RANBP2: variants seen among roughly 807,000 people sequenced by gnomAD.
RANBP2 encodes RAN binding protein 2, also known as E3 SUMO-protein ligase RanBP2.
In RANBP2, 57 loss-of-function variants were observed where a neutral mutation model predicts 303.6. The observed-to-expected ratio is 0.19, with a 90% CI of 0.15 to 0.23. RANBP2 has a LOEUF of 0.23. Among genes scored for constraint, RANBP2 ranks in the 10% least tolerant of loss-of-function variants. The probability of loss-of-function intolerance (pLI) is 1.00; values close to 1 mark genes in which losing one functional copy is unlikely to be tolerated. For missense variants in RANBP2, 3,138 were observed against 3,780.8 expected (o/e 0.83, Z 4.46); for synonymous variants, 1,167 against 1,301.5 (o/e 0.90, Z 2.23).
chr2:109,615,012 G>T, the RANBP2 span: 1 of 1,545,602 alleles, frequency 6.5e-7, no homozygotes, highest in Admixed American at 2.0e-5. Flanking sequence ...GCCCAGCGAG[G>T]ACCTGGAGCT....
At chr2:108,754,778 T>C in intron 15 of RANBP2, 127 bp from the exon 16 acceptor site, 1 of 1,351,968 alleles carries the variant, frequency 7.4e-7, no homozygotes, top group South Asian at 1.4e-5. Context: ...TCACGTGTAT[T>C]ATTTAAAGTG....
intron 13 of RANBP2, 122 bp from the exon 14 acceptor site, chr2:108,753,304 A>AT (rs1676051512): frequency 1.2e-6 from 2 of 1,604,546 alleles, no homozygotes; most frequent in Non-Finnish European, 1.7e-6. Context: ...CACACATAAG[A>AT]TATGACAGAG....
At chr2:108,815,968 CTT>C in the RANBP2 span, 1 of 1,612,674 alleles carries the variant, frequency 6.2e-7, no homozygotes, top group East Asian at 2.2e-5. Context: ...AGTTTATGAA[CTT>C]TTAACTGTCT....
the RANBP2 span, among the ~76,000 whole-genome samples, chr2:108,813,248 C>CAAAAAAAA: frequency 2.2e-4 from 14 of 63,542 alleles, no homozygotes; most frequent in Non-Finnish European, 3.1e-4. Flanking sequence ...GACTCCGTCT[C>CAAAAAAAA]AAAAAAAAAA....
chr2:109,124,432 C>T, the RANBP2 span: 1 of 152,274 alleles, frequency 6.6e-6, no homozygotes. Flanking sequence ...CCTCGGCCTC[C>T]CAAAGTTCTG....
the RANBP2 span, among the ~76,000 whole-genome samples, chr2:109,643,262 A>G: frequency 6.6e-6 from 1 of 152,150 alleles, no homozygotes; most frequent in Non-Finnish European, 1.5e-5. Context: ...TGTTCCATAA[A>G]CATAGCATAA....
At chr2:109,129,269 C>A in the RANBP2 span, 1 of 607,964 alleles carries the variant, frequency 1.6e-6, no homozygotes, top group Non-Finnish European at 2.9e-6. Flanking sequence ...GGACTTGCGG[C>A]GGGACAGGTG....
chr2:108,756,232 A>G (rs900928339), intron 17 of RANBP2, among the ~76,000 whole-genome samples: 3 of 152,182 alleles, frequency 2.0e-5, no homozygotes, highest in African/African-American at 7.2e-5. Flanking sequence ...ATGTGTTTCA[A>G]ATGTATAGCT....
chr2:109,230,578 AAAAAAT>A, the RANBP2 span, among the ~76,000 whole-genome samples: 1 of 152,178 alleles, frequency 6.6e-6, no homozygotes, highest in Non-Finnish European at 1.5e-5. Flanking sequence ...AGATCATCTT[AAAAAAT>A]AAAAATAGGA....
At chr2:109,397,786 C>T in the RANBP2 span, among the ~76,000 whole-genome samples, 11 of 152,208 alleles carry the variant, frequency 7.2e-5, no homozygotes, top group African/African-American at 2.2e-4. Flanking sequence ...GTGGCTTAGC[C>T]GGCCAGGAGG....
chr2:109,712,915 G>A, the RANBP2 span, among the ~76,000 whole-genome samples: 1 of 152,212 alleles, frequency 6.6e-6, no homozygotes, highest in Admixed American at 6.5e-5. Context: ...CAGAGCGAGA[G>A]TGAGTGAGAG....
the RANBP2 span, among the ~76,000 whole-genome samples, chr2:109,377,077 A>C: frequency 3.9e-5 from 6 of 152,206 alleles, no homozygotes; most frequent in African/African-American, 1.4e-4. Context: ...GGCTGAAAAA[A>C]TAGGTGCCTT....
At chr2:109,283,151 C>T in the RANBP2 span, among the ~76,000 whole-genome samples, 4 of 152,188 alleles carry the variant, frequency 2.6e-5, no homozygotes, top group Admixed American at 6.5e-5. Context: ...CAGGGTACAG[C>T]CCAGAAATGC....
At chr2:109,549,650 C>A in the RANBP2 span, among the ~76,000 whole-genome samples, 3 of 152,172 alleles carry the variant, frequency 2.0e-5, no homozygotes, top group Non-Finnish European at 4.4e-5. Context: ...CAGTATGGTA[C>A]GATAGTCCCC....
At chr2:109,116,166 G>A in the RANBP2 span, among the ~76,000 whole-genome samples, 1 of 152,152 alleles carries the variant, frequency 6.6e-6, no homozygotes, top group African/African-American at 2.4e-5. Flanking sequence ...TCCTGAATCT[G>A]AATGTTGGTC....
chr2:109,030,546 G>A, the RANBP2 span, among the ~76,000 whole-genome samples: 1 of 152,272 alleles, frequency 6.6e-6, no homozygotes, highest in Admixed American at 6.5e-5. Context: ...CTGTCTGATG[G>A]GATGAGGCTC....
chr2:109,086,650 T>A, the RANBP2 span, among the ~76,000 whole-genome samples: 916 of 152,286 alleles, frequency 6.0e-3, 17 homozygotes, highest in Non-Finnish European at 5.9e-3. Flanking sequence ...GGCCTGAGAT[T>A]GCATTCCATA....
chr2:109,408,497 G>A, the RANBP2 span, among the ~76,000 whole-genome samples: 2 of 152,224 alleles, frequency 1.3e-5, no homozygotes, highest in Non-Finnish European at 2.9e-5. Flanking sequence ...TTTGGGAGGC[G>A]AGAAAAACGG....
chr2:109,649,924 G>A, the RANBP2 span, among the ~76,000 whole-genome samples: 1 of 152,170 alleles, frequency 6.6e-6, no homozygotes, highest in African/African-American at 2.4e-5. Flanking sequence ...GCAACAATAA[G>A]TTAGCCCATT....
Sources: allele counts gnomAD v4.1 joint callset (sites outside exome capture counted in the v4.1 genomes callset), GRCh38; gene constraint gnomAD v4.1.1; transcripts MANE v1.5; gene names NCBI Gene and HGNC (gene_info 2026-07-23, HGNC 2026-07-21).